TMEM26: variants seen among roughly 807,000 people sequenced by gnomAD.
The protein encoded by TMEM26 is transmembrane protein 26.
Under a neutral mutation model 28.8 loss-of-function variants are expected in TMEM26, and 38 were observed. The ratio of observed to expected loss-of-function variants is 1.32; its 90% CI spans 1.02 to 1.73. The LOEUF (loss-of-function observed/expected upper bound fraction) is 1.73. Ranked by LOEUF, TMEM26 falls within the 40% of genes most tolerant of loss-of-function variation. The probability of loss-of-function intolerance (pLI) is 0.00; values close to 1 mark genes in which losing one functional copy is unlikely to be tolerated. For synonymous variants in TMEM26, 227 were observed against 182.9 expected, an observed-to-expected ratio of 1.24 and a Z score of -1.95; for missense variants, 518 against 447.1, an observed-to-expected ratio of 1.16 and a Z score of -1.43.
At position 61,413,484 on chromosome 10, in the gene TMEM26, C is replaced by T; in HGVS notation, c.657G>A (p.Met219Ile). Residue 219 changes from methionine (M) to isoleucine (I), a missense_variant, in exon 5 of 6, where the codon ATG (methionine) becomes ATA (isoleucine). Met to Ile is a conservative substitution (Grantham distance 10). Coordinates refer to ENST00000399298, the MANE Select transcript of TMEM26 (RefSeq NM_178505.8). ...YAILVIWTWS[M>I]LQFPLDLAVQ... ...CTGCCAGGTCAAGTGGAAACTGCAG[C>T]ATGCTCCAAGTCCATATAACAAGGA... 1 of 1,613,118 alleles carries T rather than the reference C, an allele frequency of 6.2e-7. No individual in the cohort carries two copies. The highest frequency in any genetic ancestry group is 8.5e-7 in the Non-Finnish European group (1 of 1,179,354).
At position 61,448,085 on chromosome 10, in the gene TMEM26, T is replaced by A. The variant is rs535974805; in HGVS notation, c.191+4806A>T. ...ACAATACAGTAGATGTTCCGTACACTGTTGTTGAAAGAAGAGTGAAAAGAC... is the reference window on the plus strand; with the variant it reads ...ACAATACAGTAGATGTTCCGTACACAGTTGTTGAAAGAAGAGTGAAAAGAC... On this transcript the variant is annotated intron_variant, in intron 1 of 5. Transcript: ENST00000399298. 7.2e-5 allele frequency among the ~76,000 whole-genome samples: 11 copies of A among 152,398 alleles called. No individual in the cohort carries two copies. In the East Asian group the frequency reaches 1.7e-3, roughly 24 times the overall value.
Position 61,453,372 on chromosome 10 carries a change from C to A in TMEM26, c.-291G>T. The A allele has an allele frequency of 3.1e-6, 1 of 319,570 alleles. No individual in the cohort carries two copies. Among genetic ancestry groups the A allele is most frequent in the Non-Finnish European group, 5.9e-6 (1 of 168,442 alleles). The allele number at this position is 319,570 out of a possible 1,614,324, so 19.8% of individuals were successfully genotyped here. ...GCTGCCCTGTCTCCAGGGCGTTATT[C>A]TCCAGCGCTGCCCATCCCCCTCCCA... On this transcript the variant is annotated 5_prime_UTR_variant, in exon 1 of 6. Transcript: ENST00000399298.
At chr10:61,415,893 C>T (rs1034695759) in intron 4 of TMEM26, among the ~76,000 whole-genome samples, 5 of 151,982 alleles carry the variant, frequency 3.3e-5, no homozygotes, top group Admixed American at 2.0e-4. Flanking sequence ...AGAGATAATT[C>T]CTTAGAAGTT....
chr10:61,452,129 C>A (rs1469886036), intron 1 of TMEM26, among the ~76,000 whole-genome samples: 19 of 152,162 alleles, frequency 1.2e-4, no homozygotes, highest in Admixed American at 1.2e-3. Context: ...GCAAGAGAAT[C>A]TTTTTCTCAA....
chr10:61,436,143 C>A (rs1244333890), intron 2 of TMEM26, 27 bp downstream of exon 2: 7 of 1,447,518 alleles, frequency 4.8e-6, no homozygotes, highest in South Asian at 4.8e-5. Context: ...CTGAATAGGT[C>A]AATTCCTACT....
chr10:61,431,526 T>C (rs147635459), intron 2 of TMEM26, among the ~76,000 whole-genome samples, 194 bp from the exon 3 acceptor site: 17 of 152,186 alleles, frequency 1.1e-4, no homozygotes, highest in African/African-American at 3.9e-4. Context: ...GAAAAGAATG[T>C]CAAGTATACA....
intron 1 of TMEM26, chr10:61,452,568 G>A: frequency 3.4e-6 from 1 of 297,056 alleles, no homozygotes; most frequent in Non-Finnish European, 6.6e-6. Flanking sequence ...CTTGTCCCAA[G>A]ACTCCCCTAT....
rs1205712714 is a variant in TMEM26, at chr10:61,409,213, T to C, written c.*1109A>G. 6.6e-6 allele frequency: 1 copy of C among 152,216 alleles called. No homozygotes were observed. Among genetic ancestry groups the C allele is most frequent in the East Asian group, 1.9e-4 (1 of 5,192 alleles). The allele number at this position is 152,216 out of a possible 1,614,324, so 9.4% of individuals were successfully genotyped here. Reference sequence around the variant, plus strand: ...AGGAAAAGTATGGCTATTTCAATACTGGGAAAATGAAGTCTTAATGCAAGA... The same window carrying C: ...AGGAAAAGTATGGCTATTTCAATACCGGGAAAATGAAGTCTTAATGCAAGA... On this transcript the variant is annotated 3_prime_UTR_variant, in exon 6 of 6. Coordinates refer to ENST00000399298, the MANE Select transcript of TMEM26 (RefSeq NM_178505.8).
chr10:61,424,557 T>C (rs1839799322), intron 4 of TMEM26, among the ~76,000 whole-genome samples: 1 of 152,162 alleles, frequency 6.6e-6, no homozygotes, highest in African/African-American at 2.4e-5. Context: ...TTTACCCTTT[T>C]TTACAACTTG....
At chr10:61,451,922 G>A (rs1840288926) in intron 1 of TMEM26, among the ~76,000 whole-genome samples, 3 of 152,060 alleles carry the variant, frequency 2.0e-5, no homozygotes, top group African/African-American at 7.2e-5. Context: ...CATTGTGTAT[G>A]TAATTGTAAA....
At position 61,429,019 on chromosome 10, in the gene TMEM26, C is replaced by T. The variant is rs184220286; in HGVS notation, c.512G>A (p.Arg171Gln). Residue 171 changes from arginine to glutamine, a missense_variant, in exon 4 of 6, where the codon CGA becomes CAA. Transcript: ENST00000399298. ...WLLPIGGGIT[R>Q]DQLSQLLLMF... ...AAGAAGAAGTTGAGAGAGTTGATCT[C>T]GAGTGATCCCGCCTCCAATGGGTAG... 11 of 1,613,170 alleles carry T rather than the reference C, an allele frequency of 6.8e-6. No individual in the cohort carries two copies. In the Middle Eastern group the frequency reaches 4.9e-4, roughly 72 times the overall value.
intron 5 of TMEM26, among the ~76,000 whole-genome samples, chr10:61,411,184 G>A (rs564269695): frequency 5.9e-5 from 9 of 152,148 alleles, no homozygotes; most frequent in Non-Finnish European, 1.3e-4. Flanking sequence ...CATGACTGCC[G>A]CATTTTCCAG....
Position 61,410,013 on chromosome 10 carries a change from A to G in TMEM26, c.*309T>C, listed in dbSNP as rs960984742. 3 of 320,956 alleles carry G rather than the reference A, an allele frequency of 9.3e-6. No homozygotes were observed. 19.9% of individuals were successfully genotyped at this position (320,956 alleles called of 1,614,324 possible). On this transcript the variant is annotated 3_prime_UTR_variant, in exon 6 of 6. Coordinates refer to ENST00000399298, the MANE Select transcript of TMEM26 (RefSeq NM_178505.8). ...CAGCCGCGACAGTTGGTCTGCACCA[A>G]ATCTTTCGAGGGCATGTCACTGTAA...
Position 61,450,585 on chromosome 10 carries a change from T to C in TMEM26, c.191+2306A>G, listed in dbSNP as rs191036201. Among the ~76,000 whole-genome samples, 51 of 152,324 alleles carry C rather than the reference T, an allele frequency of 3.3e-4. No individual in the cohort carries two copies. In the South Asian group the frequency reaches 6.4e-3, roughly 19 times the overall value. On this transcript the variant is annotated intron_variant, in intron 1 of 5. Transcript: ENST00000399298. ...TAAAGCATTATTAATCATATTCCTA[T>C]TTAGACCATTTACCAAGACTCATTT...
chr10:61,446,543 A>G (rs1840183252), intron 1 of TMEM26, among the ~76,000 whole-genome samples: 1 of 152,106 alleles, frequency 6.6e-6, no homozygotes, highest in African/African-American at 2.4e-5. Flanking sequence ...ATACTGGGCC[A>G]GGCGCGATGG....
intron 1 of TMEM26, among the ~76,000 whole-genome samples, chr10:61,438,571 A>T (rs1010948030): frequency 1.3e-5 from 2 of 152,214 alleles, no homozygotes; most frequent in African/African-American, 4.8e-5. Flanking sequence ...GAAAGAGGTT[A>T]AAAATAAAAC....
rs1008127307 is a variant in TMEM26 at position 61,413,965 on chromosome 10, A to G, written c.606-430T>C. 4 of 986,616 alleles carry G rather than the reference A, an allele frequency of 4.1e-6. No individual in the cohort carries two copies. In the African/African-American group the frequency reaches 7.0e-5, roughly 17 times the overall value. 61.1% of individuals were successfully genotyped at this position (986,616 alleles called of 1,614,324 possible). A position where few individuals can be genotyped will look rare whatever the true frequency, so the allele number is the denominator to read the frequency against. On this transcript the variant is annotated intron_variant, in intron 4 of 5. Transcript: ENST00000399298. ...AAAGACATTTCAAAAGAGCTAAATGATGATCAAAGATTAAAAACTCAACAT... is the reference window on the plus strand; with the variant it reads ...AAAGACATTTCAAAAGAGCTAAATGGTGATCAAAGATTAAAAACTCAACAT...
rs138297775 is a variant in TMEM26 at position 61,421,677 on chromosome 10, C to T, written c.605+7249G>A. 5.6e-4 allele frequency among the ~76,000 whole-genome samples: 85 copies of T among 152,162 alleles called. 1 individual carries two copies. The East Asian group carries it at 0.013, about 22-fold the overall frequency. The stretch of plus-strand genomic sequence containing the variant: ...GACACCAAGAGTTGCTAGCCACCAC[C>T]AGAAACTAGGAGAGAAGCATGAAGC... On this transcript the variant is annotated intron_variant, in intron 4 of 5. Coordinates refer to ENST00000399298, the MANE Select transcript of TMEM26 (RefSeq NM_178505.8).
intron 4 of TMEM26, among the ~76,000 whole-genome samples, chr10:61,421,063 CA>C (rs1839738453): frequency 6.6e-6 from 1 of 151,706 alleles, no homozygotes; most frequent in East Asian, 1.9e-4. Flanking sequence ...AGTAACGGAG[CA>C]AGTGGGGCAA....
Sources: gnomAD v4.1 joint callset for allele counts (sites outside exome capture counted in the v4.1 genomes callset) on GRCh38, gnomAD v4.1.1 for gene constraint, MANE v1.5 for transcripts, NCBI Gene and HGNC (gene_info 2026-07-23, HGNC 2026-07-21) for gene names.